The following PHC3 variants were observed in gnomAD, a reference collection of about 807,000 sequenced individuals.
PHC3 encodes the protein polyhomeotic-like protein 3.
Under a neutral mutation model 107.4 loss-of-function variants are expected in PHC3, and 13 were observed. The observed-to-expected ratio is 0.12, with a 90% CI of 0.08 to 0.19. The LOEUF is 0.19. Ranked by LOEUF, PHC3 falls within the 10% of genes least tolerant of loss-of-function variation. PHC3 has a pLI of 1.00. For synonymous variants in PHC3, 456 were observed against 427.4 expected (o/e 1.07, Z -0.83); for missense variants, 992 against 1,210.9 (o/e 0.82, Z 2.68).
chr3:170,094,578 G>A lies in PHC3; in HGVS notation c.*2652C>T, dbSNP rs1455227265. ...ACTCTGCTTTAAAGCTCAGGAGAGA[G>A]GTGGATGCTCAGTGTTGTCTATATA... is the stretch of plus-strand genomic sequence containing the variant. On this transcript the variant is annotated 3_prime_UTR_variant, in exon 15 of 15. Coordinates refer to ENST00000495893, the MANE Select transcript of PHC3 (RefSeq NM_024947.4). The A allele has an allele frequency of 6.6e-6, 1 of 152,170 alleles. No homozygotes were observed. Among genetic ancestry groups the A allele is most frequent in the Non-Finnish European group, 1.5e-5 (1 of 68,032 alleles). The allele number at this position is 152,170 out of a possible 1,614,324, so 9.4% of individuals were successfully genotyped here. A position where few individuals can be genotyped will look rare whatever the true frequency, so the allele number is the denominator to read the frequency against.
intron 7 of PHC3, 140 bp downstream of exon 7, chr3:170,136,276 ACAT>A: frequency 1.1e-6 from 1 of 947,832 alleles, no homozygotes; most frequent in Non-Finnish European, 1.5e-6. Flanking sequence ...TTCAAGCTAC[ACAT>A]TAAGATTAAG....
At chr3:170,104,473 A>G (rs981040445) in intron 12 of PHC3, among the ~76,000 whole-genome samples, 15 of 152,192 alleles carry the variant, frequency 9.9e-5, no homozygotes, top group African/African-American at 3.6e-4. Flanking sequence ...GGGTCTCACT[A>G]TGTTGCCCAG....
chr3:170,169,265 G>A (rs1025513739), intron 4 of PHC3, among the ~76,000 whole-genome samples: 8 of 151,996 alleles, frequency 5.3e-5, no homozygotes, highest in Non-Finnish European at 1.2e-4. Context: ...TTTTTCTTCT[G>A]GAGAATGGAC....
chr3:170,151,829 C>T (rs755562666), intron 4 of PHC3, among the ~76,000 whole-genome samples: 9 of 152,294 alleles, frequency 5.9e-5, no homozygotes, highest in South Asian at 2.1e-4. Context: ...ACTCCCTGTA[C>T]GGTTCCATAA....
At chr3:170,144,837 C>G (rs1171246843) in intron 6 of PHC3, among the ~76,000 whole-genome samples, 1 of 152,146 alleles carries the variant, frequency 6.6e-6, no homozygotes, top group Non-Finnish European at 1.5e-5. Context: ...TCCTGAAAAG[C>G]TGGAATTACA....
At chr3:170,145,757 T>C (rs1724833269) in intron 5 of PHC3, among the ~76,000 whole-genome samples, 1 of 152,198 alleles carries the variant, frequency 6.6e-6, no homozygotes, top group Non-Finnish European at 1.5e-5. Context: ...AAAAAAGCAG[T>C]ACTCAAAAAA....
chr3:170,113,372 T>C lies in PHC3; in HGVS notation c.2341A>G (p.Met781Val), dbSNP rs758922250. ...DNSSDTEMED[M>V]IAEETLEEMD... ...GAAACCCACAAACCTTCAGCAATCATGTCTTCCATCTCTGTGTCAGATGAA... is the reference window on the plus strand; with the variant it reads ...GAAACCCACAAACCTTCAGCAATCACGTCTTCCATCTCTGTGTCAGATGAA... Residue 781 changes from methionine to valine, a missense_variant, in exon 11 of 15, where the codon ATG becomes GTG. Met to Val is a conservative substitution (Grantham distance 21). Transcript: ENST00000495893. The C allele has an allele frequency of 5.6e-6, 9 of 1,607,074 alleles. No homozygotes were observed. The South Asian group carries it at 9.0e-5, about 16-fold the overall frequency.
intron 7 of PHC3, among the ~76,000 whole-genome samples, chr3:170,130,538 G>A (rs141249861): frequency 6.6e-6 from 1 of 152,168 alleles, no homozygotes; most frequent in South Asian, 2.1e-4. Context: ...TCCAAATCTA[G>A]GAAAACACTA....
chr3:170,104,393 T>C (rs892522686), intron 12 of PHC3, among the ~76,000 whole-genome samples: 3 of 152,272 alleles, frequency 2.0e-5, no homozygotes, highest in Admixed American at 1.3e-4. Flanking sequence ...GAAAAATATA[T>C]GCAGTTTCAT....
At position 170,171,455 on chromosome 3, in the gene PHC3, A is replaced by G. The variant is rs767868395; in HGVS notation, c.337-5T>C. The G allele has an allele frequency of 8.2e-6, 13 of 1,579,550 alleles. No individual in the cohort carries two copies. Among genetic ancestry groups the G allele is most frequent in the Non-Finnish European group, 1.1e-5 (13 of 1,164,914 alleles). On this transcript the variant is annotated splice_polypyrimidine_tract_variant and splice_region_variant and intron_variant, in intron 3 of 14. Transcript: ENST00000495893. ...TCTTCCACTGGACAAACTTGCCTAA[A>G]ATAGTAAGACTTTTAGAATATGTCG...
chr3:170,164,258 G>C (rs1728384868), intron 4 of PHC3, among the ~76,000 whole-genome samples: 1 of 152,158 alleles, frequency 6.6e-6, no homozygotes. Flanking sequence ...CTTTGTGAGA[G>C]AAAATGGGAC....
At chr3:170,126,226 G>A (rs1411600651) in intron 8 of PHC3, among the ~76,000 whole-genome samples, 1 of 151,828 alleles carries the variant, frequency 6.6e-6, no homozygotes, top group Non-Finnish European at 1.5e-5. Flanking sequence ...GTGAAGAAAT[G>A]TGTTTGAATG....
intron 4 of PHC3, among the ~76,000 whole-genome samples, chr3:170,162,354 C>T (rs1045491191): frequency 1.3e-5 from 2 of 152,194 alleles, no homozygotes; most frequent in African/African-American, 4.8e-5. Flanking sequence ...ATCAACTTAA[C>T]ATGTCCAAAA....
chr3:170,119,236 A>G lies in PHC3; in HGVS notation c.1943-1760T>C, dbSNP rs550893925. On this transcript the variant is annotated intron_variant, in intron 9 of 14. Transcript: ENST00000495893. ...ATGAAAGATTTAAAAATTCTGAAGTAGGACTGAAAGGCACTTTTCTATAGA... is the reference window on the plus strand; with the variant it reads ...ATGAAAGATTTAAAAATTCTGAAGTGGGACTGAAAGGCACTTTTCTATAGA... Among the ~76,000 whole-genome samples, 3 of 152,282 alleles carry G rather than the reference A, an allele frequency of 2.0e-5. No individual in the cohort carries two copies. In the South Asian group the frequency reaches 6.2e-4, roughly 32 times the overall value.
At chr3:170,115,671 G>C (rs1718780590) in intron 10 of PHC3, among the ~76,000 whole-genome samples, 1 of 152,140 alleles carries the variant, frequency 6.6e-6, no homozygotes, top group Non-Finnish European at 1.5e-5. Context: ...TGAAGTGCCA[G>C]GTACCATACA....
At position 170,136,610 on chromosome 3, in the gene PHC3, T is replaced by C. The variant is rs1233991358; in HGVS notation, c.728A>G (p.Asn243Ser). The C allele has an allele frequency of 1.9e-6, 3 of 1,613,852 alleles. No homozygotes were observed. The highest frequency in any genetic ancestry group is 1.7e-6 in the Non-Finnish European group (2 of 1,179,818). ...TTGACTAGTGCTTTTTGGTGGACCA[T>C]TCTGTGAGCTAGATAATACACCCAA... Reference protein sequence around the residue: ...QKLGVLSSSQNGPPKSTSQTQ... With the variant: ...QKLGVLSSSQSGPPKSTSQTQ... Residue 243 changes from asparagine to serine, a missense_variant, in exon 7 of 15, where the codon AAT (asparagine) becomes AGT (serine). Asn to Ser is a conservative substitution (Grantham distance 46). Transcript: ENST00000495893.
At chr3:170,134,496 T>C (rs993717313) in intron 7 of PHC3, among the ~76,000 whole-genome samples, 5 of 152,122 alleles carry the variant, frequency 3.3e-5, no homozygotes, top group African/African-American at 1.2e-4. Context: ...AGCTTGAATA[T>C]ATTTATTAAT....
Position 170,092,632 on chromosome 3 carries a change from C to T in PHC3, c.*4598G>A, listed in dbSNP as rs1341082215. 1 of 152,172 alleles carries T rather than the reference C, an allele frequency of 6.6e-6. No individual in the cohort carries two copies. Among genetic ancestry groups the T allele is most frequent in the African/African-American group, 2.4e-5 (1 of 41,432 alleles). 9.4% of individuals were successfully genotyped at this position (152,172 alleles called of 1,614,324 possible). A position where few individuals can be genotyped will look rare whatever the true frequency, so the allele number is the denominator to read the frequency against. On this transcript the variant is annotated 3_prime_UTR_variant, in exon 15 of 15. Transcript: ENST00000495893. The stretch of plus-strand genomic sequence containing the variant: ...CAAATAAAATACTATCTTAAAATGC[C>T]TCTCTTTATAACAATCTACAGAGGT...
chr3:170,119,057 AAAAAG>A (rs773827254), intron 9 of PHC3, among the ~76,000 whole-genome samples: 29 of 147,074 alleles, frequency 2.0e-4, no homozygotes, highest in African/African-American at 3.9e-4. Flanking sequence ...AAAAAAAAAG[AAAAAG>A]AAAAGAAAAG....
Sources: gnomAD v4.1 joint callset for allele counts (sites outside exome capture counted in the v4.1 genomes callset) on GRCh38, gnomAD v4.1.1 for gene constraint, MANE v1.5 for transcripts, NCBI Gene and HGNC (gene_info 2026-07-23, HGNC 2026-07-21) for gene names.